LINGO2: variants seen among roughly 807,000 people sequenced by gnomAD.
LINGO2 encodes the protein leucine-rich repeat and immunoglobulin-like domain-containing nogo receptor-interacting protein 2.
LINGO2 carries 14 observed loss-of-function variants against 30.6 expected under a neutral mutation model. The ratio of observed to expected loss-of-function variants is 0.46; its 90% CI spans 0.30 to 0.72. The LOEUF (loss-of-function observed/expected upper bound fraction) is 0.72. Among genes scored for constraint, LINGO2 ranks in the 30% least tolerant of loss-of-function variants. LINGO2 has a pLI of 0.07. For synonymous variants in LINGO2, 317 were observed against 288.5 expected, an observed-to-expected ratio of 1.10 and a Z score of -1.00; for missense variants, 729 against 751.7, an observed-to-expected ratio of 0.97 and a Z score of 0.35.
At chr9:28,905,955 A>AC in the LINGO2 span, among the ~76,000 whole-genome samples, 10 of 152,064 alleles carry the variant, frequency 6.6e-5, no homozygotes, top group African/African-American at 2.4e-4. Flanking sequence ...GTTATATATA[A>AC]ACAATGGTAT....
intron 4 of LINGO2, among the ~76,000 whole-genome samples, chr9:28,245,455 C>A (rs576327869): frequency 1.3e-5 from 2 of 152,210 alleles, no homozygotes; most frequent in African/African-American, 4.8e-5. Context: ...CCAGCCAGGG[C>A]AATCAGGCAA....
the LINGO2 span, among the ~76,000 whole-genome samples, chr9:28,992,369 G>C: frequency 2.6e-4 from 40 of 152,036 alleles, no homozygotes; most frequent in Admixed American, 2.6e-3. Context: ...CATAAAGCAA[G>C]TCCTCAGTGA....
exon 6 of LINGO2, chr9:27,948,396 A>C (rs929382639): frequency 6.3e-6 from 1 of 159,364 alleles, no homozygotes; most frequent in African/African-American, 2.4e-5. Flanking sequence ...TGAACCAACA[A>C]TATGGTATGA....
Position 28,629,893 on chromosome 9 carries a change from G to C in LINGO2, c.-365+40307C>G, listed in dbSNP as rs148325728. On this transcript the variant is annotated intron_variant, in intron 1 of 5. Transcript: ENST00000379992. Reference sequence around the variant, plus strand: ...ACTTAAAAAGTTTCATCTAGCATTAGGTATATCTCCCGATGCTATCCCTCC... The same window carrying C: ...ACTTAAAAAGTTTCATCTAGCATTACGTATATCTCCCGATGCTATCCCTCC... Among the ~76,000 whole-genome samples the C allele has an allele frequency of 3.5e-3, 526 of 152,084 alleles. 6 individuals carry two copies. Among genetic ancestry groups the C allele is most frequent in the African/African-American group, 0.012 (509 of 41,508 alleles).
chr9:28,347,448 AC>A (rs1819633358), intron 3 of LINGO2, among the ~76,000 whole-genome samples: 7 of 152,132 alleles, frequency 4.6e-5, no homozygotes, highest in African/African-American at 1.4e-4. Context: ...ACACACACAC[AC>A]AAAACCAAGA....
upstream of LINGO2, among the ~76,000 whole-genome samples, chr9:28,670,860 G>A (rs960433466): frequency 2.0e-5 from 3 of 151,982 alleles, no homozygotes; most frequent in African/African-American, 7.2e-5. Context: ...CTTCCTCAGG[G>A]AGACATAGAA....
the LINGO2 span, among the ~76,000 whole-genome samples, chr9:28,943,141 C>A: frequency 7.2e-5 from 11 of 152,164 alleles, no homozygotes; most frequent in Middle Eastern, 0.02. Context: ...AAGGTAAAGA[C>A]GCAATCTCAG....
intron 4 of LINGO2, among the ~76,000 whole-genome samples, chr9:28,096,579 A>G (rs1826247904): frequency 6.6e-6 from 1 of 152,118 alleles, no homozygotes; most frequent in South Asian, 2.1e-4. Flanking sequence ...CTAGACAGAG[A>G]GACAGCACTA....
chr9:29,158,967 T>G, the LINGO2 span, among the ~76,000 whole-genome samples: 2 of 152,286 alleles, frequency 1.3e-5, no homozygotes, highest in East Asian at 1.9e-4. Flanking sequence ...CTTCATAGAT[T>G]TATCCAGCCT....
intron 1 of LINGO2, among the ~76,000 whole-genome samples, chr9:28,596,916 C>T (rs1825211260): frequency 6.6e-6 from 1 of 152,076 alleles, no homozygotes; most frequent in Non-Finnish European, 1.5e-5. Context: ...AGCCAGGCTC[C>T]AGTGCGGGTC....
At chr9:28,680,222 T>G in the LINGO2 span, among the ~76,000 whole-genome samples, 2 of 152,098 alleles carry the variant, frequency 1.3e-5, no homozygotes, top group African/African-American at 4.8e-5. Context: ...TATACTGGTA[T>G]TTCTGTGCCT....
At chr9:28,684,175 CTTTTTT>C in the LINGO2 span, among the ~76,000 whole-genome samples, 37 of 45,434 alleles carry the variant, frequency 8.1e-4, no homozygotes, top group Admixed American at 1.7e-3. Flanking sequence ...AAATGTTTAT[CTTTTTT>C]TTTTTTTTTT....
chr9:29,109,030 A>T, the LINGO2 span, among the ~76,000 whole-genome samples: 2 of 152,190 alleles, frequency 1.3e-5, no homozygotes, highest in Non-Finnish European at 2.9e-5. Context: ...TTCTATTTCA[A>T]TCTCATTTTT....
At chr9:28,529,507 A>G (rs1042938968) in intron 1 of LINGO2, among the ~76,000 whole-genome samples, 1 of 152,050 alleles carries the variant, frequency 6.6e-6, no homozygotes, top group East Asian at 1.9e-4. Flanking sequence ...GATAAGGTAG[A>G]TAGACCTAAT....
At chr9:28,814,683 C>T in the LINGO2 span, among the ~76,000 whole-genome samples, 1 of 152,026 alleles carries the variant, frequency 6.6e-6, no homozygotes, top group Non-Finnish European at 1.5e-5. Flanking sequence ...GTCAGGAGTT[C>T]GAGACCAGCC....
At chr9:28,439,298 A>C (rs1367427924) in intron 2 of LINGO2, among the ~76,000 whole-genome samples, 2 of 151,726 alleles carry the variant, frequency 1.3e-5, no homozygotes, top group African/African-American at 2.4e-5. Context: ...TGTTTCATAT[A>C]TATATATAAT....
intron 1 of LINGO2, among the ~76,000 whole-genome samples, chr9:28,659,053 T>C (rs1448303078): frequency 6.6e-6 from 1 of 152,112 alleles, no homozygotes. Context: ...AACTTTGCTT[T>C]AGGTCTAAAA....
intron 4 of LINGO2, among the ~76,000 whole-genome samples, chr9:28,168,783 T>C (rs557588071): frequency 1.3e-5 from 2 of 152,358 alleles, no homozygotes; most frequent in South Asian, 2.1e-4. Context: ...TGTATTACAA[T>C]TGGGACAATA....
At chr9:28,188,767 A>T (rs1278992504) in intron 4 of LINGO2, among the ~76,000 whole-genome samples, 8 of 152,164 alleles carry the variant, frequency 5.3e-5, no homozygotes, top group Non-Finnish European at 1.0e-4. Flanking sequence ...TAATTAATAA[A>T]TAATGCTATT....
Sources: gnomAD v4.1 joint callset for allele counts (sites outside exome capture counted in the v4.1 genomes callset) on GRCh38, gnomAD v4.1.1 for gene constraint, MANE v1.5 for transcripts, NCBI Gene and HGNC (gene_info 2026-07-23, HGNC 2026-07-21) for gene names.